Variants in AXDND1 observed in about 807,000 individuals in gnomAD.
AXDND1 encodes the protein axonemal dynein light chain domain-containing protein 1.
Under a neutral mutation model 137.5 loss-of-function variants are expected in AXDND1, and 110 were observed. The observed-to-expected ratio is 0.80, with a 90% CI of 0.69 to 0.94. AXDND1 has a LOEUF of 0.94. Among genes scored for constraint, AXDND1 ranks in the 40% least tolerant of loss-of-function variants. The pLI is 0.00. For synonymous variants in AXDND1, 414 were observed against 399.7 expected, an observed-to-expected ratio of 1.04 and a Z score of -0.43; for missense variants, 1,191 against 1,169.8, an observed-to-expected ratio of 1.02 and a Z score of -0.26.
chr1:179,464,963 A>G (rs1450805686), intron 16 of AXDND1, among the ~76,000 whole-genome samples: 1 of 152,174 alleles, frequency 6.6e-6, no homozygotes, highest in Non-Finnish European at 1.5e-5. Context: ...TTTCAGCTCC[A>G]TCAGGTCACT....
At chr1:179,457,401 A>G (rs1295137159) in intron 16 of AXDND1, 4 of 376,138 alleles carry the variant, frequency 1.1e-5, no homozygotes, top group Admixed American at 3.2e-5. Flanking sequence ...AAGGCAAGAC[A>G]GTTTTAAATT....
chr1:179,369,978 ACT>A lies in AXDND1; in HGVS notation c.277_278del (p.Leu93SerfsTer16), dbSNP rs868116782. ...ATGTGTATTTGCTTTTTCCCAGGGC[ACT>A]CTTCCACGCCTTGTAGACCATGTCT... ...PPKKIKTPKG[T>X]LPRLVDHVWH... On this transcript the variant is annotated frameshift_variant, in exon 4 of 26. Coordinates refer to ENST00000367618, the MANE Select transcript of AXDND1 (RefSeq NM_144696.6). LOFTEE classifies it high-confidence loss of function. The A allele has an allele frequency of 1.2e-6, 2 of 1,612,692 alleles. No homozygotes were observed. The highest frequency in any genetic ancestry group is 1.7e-6 in the Non-Finnish European group (2 of 1,179,170).
chr1:179,419,881 T>C (rs1251438364), intron 12 of AXDND1, among the ~76,000 whole-genome samples: 2 of 152,196 alleles, frequency 1.3e-5, no homozygotes, highest in African/African-American at 4.8e-5. Context: ...AGTATAAGAT[T>C]ATGTCTTTTG....
intron 16 of AXDND1, among the ~76,000 whole-genome samples, chr1:179,465,300 G>A (rs990262177): frequency 3.3e-5 from 5 of 152,130 alleles, no homozygotes; most frequent in African/African-American, 4.8e-5. Context: ...ATGTGGTTTT[G>A]TTGTGGATGT....
intron 25 of AXDND1, among the ~76,000 whole-genome samples, chr1:179,550,159 T>C (rs561941590): frequency 6.6e-6 from 1 of 152,344 alleles, no homozygotes; most frequent in East Asian, 1.9e-4. Flanking sequence ...ATGTTAGTAA[T>C]GTTTTATAAT....
intron 20 of AXDND1, among the ~76,000 whole-genome samples, chr1:179,507,878 A>G (rs1235204138): frequency 3.9e-5 from 6 of 152,004 alleles, no homozygotes; most frequent in African/African-American, 1.5e-4. Flanking sequence ...TGCCTTGTCC[A>G]CTCTTCTTCC....
intron 4 of AXDND1, among the ~76,000 whole-genome samples, chr1:179,376,040 T>A (rs1296381954): frequency 1.3e-5 from 2 of 152,152 alleles, no homozygotes; most frequent in Non-Finnish European, 2.9e-5. Context: ...GCACACCCTC[T>A]CCCACCATTT....
chr1:179,527,256 G>A (rs1478251299), intron 22 of AXDND1, among the ~76,000 whole-genome samples: 2 of 152,194 alleles, frequency 1.3e-5, no homozygotes, highest in Non-Finnish European at 2.9e-5. Context: ...GCTGATGGGA[G>A]TATAGCAGTG....
chr1:179,505,119 G>A (rs1668403757), intron 20 of AXDND1, among the ~76,000 whole-genome samples: 1 of 152,088 alleles, frequency 6.6e-6, no homozygotes, highest in Non-Finnish European at 1.5e-5. Flanking sequence ...GAATCTTTAT[G>A]ACATCAGACT....
Position 179,430,536 on chromosome 1 carries a change from A to T in AXDND1, c.1417A>T (p.Met473Leu), listed in dbSNP as rs944303499. 2 of 1,613,992 alleles carry T rather than the reference A, an allele frequency of 1.2e-6. No individual in the cohort carries two copies. The highest frequency in any genetic ancestry group is 2.7e-5 in the African/African-American group (2 of 74,934). The change falls in exon 14 of 26, where the codon ATG (methionine) becomes TTG (leucine). Residue 473 changes from methionine to leucine, a missense_variant. Transcript: ENST00000367618. The part of the protein sequence containing the change: ...VNKLKQEVEQ[M>L]EESTSETLKI... ...TAAACTTAAACAAGAGGTAGAACAA[A>T]TGGAAGAGTCTACAAGCGAGACACT...
At chr1:179,383,664 T>A (rs1036452989) in intron 8 of AXDND1, 120 bp downstream of exon 8, 5 of 691,542 alleles carry the variant, frequency 7.2e-6, no homozygotes, top group Non-Finnish European at 1.2e-5. Flanking sequence ...AGTCATTTAA[T>A]GTATTTGTAC....
At chr1:179,389,660 AT>A (rs1249783127) in intron 9 of AXDND1, among the ~76,000 whole-genome samples, 2 of 151,598 alleles carry the variant, frequency 1.3e-5, no homozygotes, top group Admixed American at 6.6e-5. Context: ...CTAACTTACT[AT>A]TTTTTGTTTG....
chr1:179,411,250 A>G lies in AXDND1; in HGVS notation c.1214A>G (p.Tyr405Cys). The G allele has an allele frequency of 3.1e-6, 5 of 1,611,280 alleles. No homozygotes were observed. The South Asian group carries it at 3.3e-5, about 11-fold the overall frequency. The change falls in exon 12 of 26, where the codon TAT (tyrosine) becomes TGT (cysteine). Residue 405 changes from tyrosine to cysteine, a missense_variant. By Grantham distance (194) the Tyr-to-Cys change is radical. Transcript: ENST00000367618. ...AERDIWSSAT[Y>C]ELALKVIERN... is the part of the protein sequence containing the mutation. Reference sequence around the variant, plus strand: ...AGAGATATCTGGAGCTCAGCCACATATGAATTGGCCCTGAAGGTTAGTTCA... The same window carrying G: ...AGAGATATCTGGAGCTCAGCCACATGTGAATTGGCCCTGAAGGTTAGTTCA...
intron 25 of AXDND1, among the ~76,000 whole-genome samples, chr1:179,546,902 A>G (rs1287500042): frequency 2.0e-5 from 3 of 152,160 alleles, no homozygotes; most frequent in Admixed American, 6.5e-5. Flanking sequence ...AATTGGTCTC[A>G]CTGACTTGAC....
At chr1:179,488,014 A>AAAGAG (rs1320560418) in intron 18 of AXDND1, among the ~76,000 whole-genome samples, 1 of 130,224 alleles carries the variant, frequency 7.7e-6, no homozygotes, top group East Asian at 2.0e-4. Context: ...AAAAAAAAAA[A>AAAGAG]AGAGAAATTT....
rs565743318 is a variant in AXDND1 at position 179,393,344 on chromosome 1, G to A, written c.864-559G>A. ...GGTCTATGTGCCTATTTTTATACCC[G>A]TACCATGCTGTTTTGGTAACTATAG... is the stretch of plus-strand genomic sequence containing the variant. On this transcript the variant is annotated intron_variant, in intron 9 of 25. Transcript: ENST00000367618. 3.3e-5 allele frequency among the ~76,000 whole-genome samples: 5 copies of A among 152,196 alleles called. No individual in the cohort carries two copies. In the South Asian group the frequency reaches 6.2e-4, roughly 19 times the overall value.
In AXDND1 at chr1:179,413,845, A is replaced by G. The variant is rs557345355; in HGVS notation, c.1230+2579A>G. 2.6e-5 allele frequency among the ~76,000 whole-genome samples: 4 copies of G among 152,038 alleles called. 1 individual carries two copies. In the South Asian group the frequency reaches 8.3e-4, roughly 32 times the overall value. On this transcript the variant is annotated intron_variant, in intron 12 of 25. Transcript: ENST00000367618. ...ACTGTTTTCCACAGGGGTTGAACTA[A>G]TTTACATTCCCACCATAGTATATAA...
intron 11 of AXDND1, among the ~76,000 whole-genome samples, chr1:179,410,139 T>G (rs914680367): frequency 2.0e-5 from 3 of 152,224 alleles, no homozygotes; most frequent in Non-Finnish European, 4.4e-5. Context: ...AGAAGAATTC[T>G]ACTTCAGTGG....
chr1:179,378,128 G>A (rs996930116), intron 4 of AXDND1, among the ~76,000 whole-genome samples: 2 of 152,080 alleles, frequency 1.3e-5, no homozygotes, highest in African/African-American at 2.4e-5. Context: ...GAGATTTTGC[G>A]CCATTGCACT....
Sources: gnomAD v4.1 joint callset for allele counts (sites outside exome capture counted in the v4.1 genomes callset) on GRCh38, gnomAD v4.1.1 for gene constraint, MANE v1.5 for transcripts, NCBI Gene and HGNC (gene_info 2026-07-23, HGNC 2026-07-21) for gene names.